The following PCMTD2 variants were observed in gnomAD, a reference collection of about 807,000 sequenced individuals.
PCMTD2 encodes the protein protein-L-isoaspartate (D-aspartate) O-methyltransferase domain containing 2, also known as protein-L-isoaspartate O-methyltransferase domain-containing protein 2.
A neutral mutation model predicts 33.4 loss-of-function variants in PCMTD2; 16 were observed. The observed-to-expected ratio is 0.48, with a 90% CI of 0.32 to 0.73. The LOEUF is 0.73. Among genes scored for constraint, PCMTD2 ranks in the 30% least tolerant of loss-of-function variants. The pLI, the probability that PCMTD2 is intolerant of heterozygous loss-of-function variation, is 0.03. For synonymous variants in PCMTD2, 161 were observed against 160.8 expected (o/e 1.00, Z -0.01); for missense variants, 374 against 449.9 (o/e 0.83, Z 1.53).
chr20:64,269,627 G>T (rs1478995393), intron 5 of PCMTD2, among the ~76,000 whole-genome samples: 1 of 152,188 alleles, frequency 6.6e-6, no homozygotes, highest in African/African-American at 2.4e-5. Context: ...GTGATATGGG[G>T]TCATGTGAGT....
rs1202681937 is a variant in PCMTD2 at position 64,275,704 on chromosome 20, T to C, written c.*2104T>C. The C allele has an allele frequency of 1.3e-5, 2 of 152,212 alleles. No individual in the cohort carries two copies. Among genetic ancestry groups the C allele is most frequent in the East Asian group, 3.8e-4 (2 of 5,202 alleles). 9.4% of individuals were successfully genotyped at this position (152,212 alleles called of 1,614,324 possible). A position where few individuals can be genotyped will look rare whatever the true frequency, so the allele number is the denominator to read the frequency against. The stretch of plus-strand genomic sequence containing the variant: ...TTCAGTATAATACACTACTTTCTGT[T>C]TTCAAACAGATAAATCATAATATAG... On this transcript the variant is annotated 3_prime_UTR_variant, in exon 6 of 6. Transcript: ENST00000308824.
At chr20:64,269,826 G>A (rs58586141) in intron 5 of PCMTD2, among the ~76,000 whole-genome samples, 22,511 of 146,444 alleles carry the variant, frequency 0.15, 1,723 homozygotes, top group African/African-American at 0.18. Flanking sequence ...ATGTGGGCAC[G>A]CGTGGTGTGG....
chr20:64,263,861 C>T (rs1338724068), intron 2 of PCMTD2, among the ~76,000 whole-genome samples: 1 of 152,228 alleles, frequency 6.6e-6, no homozygotes, highest in African/African-American at 2.4e-5. Context: ...AGTGTCAATA[C>T]TGTGTTCCCA....
At chr20:64,264,249 A>C (rs553201771) in intron 2 of PCMTD2, among the ~76,000 whole-genome samples, 180 bp from the exon 3 acceptor site, 8 of 152,380 alleles carry the variant, frequency 5.3e-5, no homozygotes, top group African/African-American at 1.9e-4. Context: ...TGAGCAGAGA[A>C]GCCCAGGCCT....
Position 64,274,767 on chromosome 20 carries a change from G to A in PCMTD2, c.*1167G>A, listed in dbSNP as rs1986048758. On this transcript the variant is annotated 3_prime_UTR_variant, in exon 6 of 6. Transcript: ENST00000308824. The stretch of plus-strand genomic sequence containing the variant: ...TCAGCCTTCTCTGGGCCTTGTGTGT[G>A]GAGAGCTTTCTATCTTACCAAGTGG... The A allele has an allele frequency of 6.6e-6, 1 of 152,194 alleles. No homozygotes were observed. The allele number at this position is 152,194 out of a possible 1,614,324, so 9.4% of individuals were successfully genotyped here.
In PCMTD2 at chr20:64,259,947, C is replaced by G. The variant is rs753147702; in HGVS notation, c.-19C>G. ...TTAAACATTTTTAATTATAGTATTG[C>G]CTAAGTGTAATCTTGAACATGGGCG... On this transcript the variant is annotated 5_prime_UTR_variant, in exon 2 of 6. Transcript: ENST00000308824. 2.9e-5 allele frequency: 45 copies of G among 1,546,872 alleles called. No individual in the cohort carries two copies. In the Admixed American group the frequency reaches 3.2e-4, roughly 11 times the overall value.
Position 64,274,727 on chromosome 20 carries a change from CACTG to C in PCMTD2, c.*1131_*1134del, listed in dbSNP as rs960164517. 3.9e-5 allele frequency: 6 copies of C among 152,306 alleles called. No individual in the cohort carries two copies. Among genetic ancestry groups the C allele is most frequent in the African/African-American group, 1.2e-4 (5 of 41,564 alleles). 9.4% of individuals were successfully genotyped at this position (152,306 alleles called of 1,614,324 possible). On this transcript the variant is annotated 3_prime_UTR_variant, in exon 6 of 6. Coordinates refer to ENST00000308824, the MANE Select transcript of PCMTD2 (RefSeq NM_018257.3). ...CATTGCATGAGAAGAGTGTAACTCA[CACTG>C]ACTTGTGATATCAGCCTTCTCTGGG...
At chr20:64,268,160 CATT>C (rs931566680) in intron 5 of PCMTD2, 150 bp downstream of exon 5, 12 of 364,214 alleles carry the variant, frequency 3.3e-5, no homozygotes, top group African/African-American at 2.9e-4. Flanking sequence ...CAATTTCAGG[CATT>C]ATAAAAATTA....
chr20:64,259,995 CAAT>C lies in PCMTD2; in HGVS notation c.31_33del (p.Asn11del). Reference sequence around the variant, plus strand: ...GCGGTGCTGTGAGTGCTGGTGAAGACAATGATGAGCTGATAGATAATTTGAAAG... The same window carrying C: ...GCGGTGCTGTGAGTGCTGGTGAAGACGATGAGCTGATAGATAATTTGAAAG... On this transcript the variant is annotated inframe_deletion, in exon 2 of 6. Transcript: ENST00000308824. 1 of 1,612,666 alleles carries C rather than the reference CAAT, an allele frequency of 6.2e-7. No individual in the cohort carries two copies. Among genetic ancestry groups the C allele is most frequent in the Non-Finnish European group, 8.5e-7 (1 of 1,178,766 alleles).
In PCMTD2 at chr20:64,275,201, T is replaced by A. The variant is rs533833914; in HGVS notation, c.*1601T>A. The A allele has an allele frequency of 6.6e-6, 1 of 152,346 alleles. No homozygotes were observed. Among genetic ancestry groups the A allele is most frequent in the African/African-American group, 2.4e-5 (1 of 41,584 alleles). 9.4% of individuals were successfully genotyped at this position (152,346 alleles called of 1,614,324 possible). On this transcript the variant is annotated 3_prime_UTR_variant, in exon 6 of 6. Transcript: ENST00000308824. ...TTAAAGAAAGTTAGTTCATAGTTGTTGCCTTTTAACTCATAGTCAAGCTTC... is the reference window on the plus strand; with the variant it reads ...TTAAAGAAAGTTAGTTCATAGTTGTAGCCTTTTAACTCATAGTCAAGCTTC...
intron 2 of PCMTD2, among the ~76,000 whole-genome samples, chr20:64,261,958 G>T (rs1321407916): frequency 6.6e-6 from 1 of 152,202 alleles, no homozygotes; most frequent in Non-Finnish European, 1.5e-5. Context: ...ATGACTTAAA[G>T]TAAGCCTGAA....
In PCMTD2 at chr20:64,273,461, A is replaced by C; in HGVS notation, c.947A>C (p.Glu316Ala). Residue 316 changes from glutamate (E) to alanine (A), a missense_variant, in exon 6 of 6, where the codon GAG (glutamate) becomes GCG (alanine). By Grantham distance (107) the Glu-to-Ala change is moderately radical (BLOSUM62 -1). Coordinates refer to ENST00000308824, the MANE Select transcript of PCMTD2 (RefSeq NM_018257.3). ...SDDNSCEDLE[E>A]ERREEEEKTP... ...GACAACAGCTGTGAAGACTTGGAAG[A>C]GGAACGGAGGGAAGAAGAAGAGAAG... 6.2e-7 allele frequency: 1 copy of C among 1,613,226 alleles called. No homozygotes were observed. Among genetic ancestry groups the C allele is most frequent in the South Asian group, 1.1e-5 (1 of 90,952 alleles).
intron 3 of PCMTD2, 43 bp from the exon 4 acceptor site, chr20:64,265,215 C>G: frequency 6.8e-7 from 1 of 1,480,056 alleles, no homozygotes; most frequent in Non-Finnish European, 9.3e-7. Flanking sequence ...AGACTTGTTG[C>G]AATGTGATAC....
intron 1 of PCMTD2, among the ~76,000 whole-genome samples, chr20:64,259,641 C>T (rs561302308): frequency 6.6e-6 from 1 of 152,092 alleles, no homozygotes; most frequent in Non-Finnish European, 1.5e-5. Context: ...CCAACTGCCT[C>T]GGCCTCCCAA....
chr20:64,270,665 A>T (rs1985877820), intron 5 of PCMTD2, among the ~76,000 whole-genome samples: 1 of 152,210 alleles, frequency 6.6e-6, no homozygotes, highest in South Asian at 2.1e-4. Flanking sequence ...GCGAGAGATA[A>T]AGATAAAAAC....
At chr20:64,265,457 C>T in intron 4 of PCMTD2, 28 bp downstream of exon 4, 1 of 1,563,754 alleles carries the variant, frequency 6.4e-7, no homozygotes, top group Non-Finnish European at 8.8e-7. Flanking sequence ...ACTGACATTT[C>T]TGCACACTGT....
At chr20:64,263,560 A>T (rs1159221728) in intron 2 of PCMTD2, among the ~76,000 whole-genome samples, 1 of 152,216 alleles carries the variant, frequency 6.6e-6, no homozygotes, top group African/African-American at 2.4e-5. Context: ...ATGTAGATTT[A>T]AAAAGTTGAC....
chr20:64,263,310 A>G (rs941467388), intron 2 of PCMTD2, among the ~76,000 whole-genome samples: 29 of 152,186 alleles, frequency 1.9e-4, no homozygotes, highest in South Asian at 2.1e-4. Context: ...AGCTCTGTGT[A>G]TGAAATACGT....
At chr20:64,268,160 C>A in intron 5 of PCMTD2, 150 bp downstream of exon 5, 1 of 364,206 alleles carries the variant, frequency 2.7e-6, no homozygotes, top group South Asian at 6.6e-5. Context: ...CAATTTCAGG[C>A]ATTATAAAAA....
Sources: allele counts gnomAD v4.1 joint callset (sites outside exome capture counted in the v4.1 genomes callset), GRCh38; gene constraint gnomAD v4.1.1; transcripts MANE v1.5; gene names NCBI Gene and HGNC (gene_info 2026-07-23, HGNC 2026-07-21).